CD320: variants seen among roughly 807,000 people sequenced by gnomAD.
The protein encoded by CD320 is CD320 molecule.
Under a neutral mutation model 22.1 loss-of-function variants are expected in CD320, and 16 were observed. The observed-to-expected ratio is 0.73, with a 90% CI of 0.49 to 1.10. CD320 has a LOEUF of 1.10. CD320 is among the 50% of genes least tolerant of loss of function. CD320 has a pLI of 0.00. For synonymous variants in CD320, 188 were observed against 167.8 expected (o/e 1.12, Z -0.93); for missense variants, 388 against 376.9 (o/e 1.03, Z -0.24).
chr19:8,302,170 C>T lies in CD320; in HGVS notation c.*293G>A. On this transcript the variant is annotated 3_prime_UTR_variant, in exon 5 of 5. Coordinates refer to ENST00000301458, the MANE Select transcript of CD320 (RefSeq NM_016579.4). ...TAATTGCCACCCTCAGACGGGGCAGCAGGAGTGTCTTAAGCACAGGGCCGT... is the reference window on the plus strand; with the variant it reads ...TAATTGCCACCCTCAGACGGGGCAGTAGGAGTGTCTTAAGCACAGGGCCGT... 1.7e-6 allele frequency: 1 copy of T among 586,268 alleles called. No individual in the cohort carries two copies. Among genetic ancestry groups the T allele is most frequent in the South Asian group, 1.5e-5 (1 of 65,508 alleles). The allele number at this position is 586,268 out of a possible 1,614,324, so 36.3% of individuals were successfully genotyped here. A position where few individuals can be genotyped will look rare whatever the true frequency, so the allele number is the denominator to read the frequency against.
Position 8,303,880 on chromosome 19 carries a change from G to C in CD320, c.477C>G (p.Pro159=), listed in dbSNP as rs201828443. The change falls in exon 3 of 5, where the codon CCC becomes CCG. Residue 159 remains proline, a synonymous_variant. Coordinates refer to ENST00000301458, the MANE Select transcript of CD320 (RefSeq NM_016579.4). ...CACAGCCGAGCTCGTCGCTGGAGTC[G>C]GGACAGTCTGGGTGGCCGTCGCAGC... is the stretch of plus-strand genomic sequence containing the variant. ...TWRCDGHPDC[P]DSSDELGCGT... The C allele has an allele frequency of 3.1e-6, 5 of 1,604,412 alleles. No homozygotes were observed. Among genetic ancestry groups the C allele is most frequent in the Admixed American group, 1.7e-5 (1 of 58,814 alleles).
intron 2 of CD320, among the ~76,000 whole-genome samples, chr19:8,304,454 T>G (rs1225742530): frequency 6.6e-6 from 1 of 152,164 alleles, no homozygotes; most frequent in Non-Finnish European, 1.5e-5. Flanking sequence ...GTGATTCTCC[T>G]GCCTTAGCCT....
At chr19:8,303,665 T>A (rs1220253254) in intron 3 of CD320, among the ~76,000 whole-genome samples, 190 bp downstream of exon 3, 2 of 152,018 alleles carry the variant, frequency 1.3e-5, no homozygotes, top group African/African-American at 4.8e-5. Context: ...TCCGCCCACC[T>A]CAGCCTCCCA....
chr19:8,304,992 C>T, intron 2 of CD320, 39 bp downstream of exon 2: 2 of 1,598,006 alleles, frequency 1.3e-6, no homozygotes, highest in Non-Finnish European at 1.7e-6. Flanking sequence ...CCTCAGGCCC[C>T]GCCCCCTGTA....
In CD320 at chr19:8,302,163, G is replaced by C; in HGVS notation, c.*300C>G. On this transcript the variant is annotated 3_prime_UTR_variant, in exon 5 of 5. Coordinates refer to ENST00000301458, the MANE Select transcript of CD320 (RefSeq NM_016579.4). ...GCAACTTTAATTGCCACCCTCAGACGGGGCAGCAGGAGTGTCTTAAGCACA... is the reference window on the plus strand; with the variant it reads ...GCAACTTTAATTGCCACCCTCAGACCGGGCAGCAGGAGTGTCTTAAGCACA... 2 of 563,046 alleles carry C rather than the reference G, an allele frequency of 3.6e-6. No homozygotes were observed. The highest frequency in any genetic ancestry group is 6.8e-6 in the Non-Finnish European group (2 of 294,124). The allele number at this position is 563,046 out of a possible 1,614,324, so 34.9% of individuals were successfully genotyped here.
intron 3 of CD320, 38 bp from the exon 4 acceptor site, chr19:8,303,018 G>A: frequency 6.3e-7 from 1 of 1,576,726 alleles, no homozygotes; most frequent in South Asian, 1.1e-5. Flanking sequence ...TGAGGAGAGA[G>A]CACTGAAGGC....
At chr19:8,308,108 C>T (rs1405774642) in intron 1 of CD320, 41 bp downstream of exon 1, 1 of 1,440,228 alleles carries the variant, frequency 6.9e-7, no homozygotes, top group Non-Finnish European at 9.0e-7. Context: ...GGGGCGAAGC[C>T]TCGCGAGGGG....
rs1489014958 is a variant in CD320, at chr19:8,302,976, G to A, written c.507C>T (p.Thr169=). ...PDSSDELGCG[T]NEILPEGDAT... Reference sequence around the variant, plus strand: ...CATCCCCTTCCGGGAGGATCTCATTGGTTCCTGCAATAAGCCCAGGCGTTC... The same window carrying A: ...CATCCCCTTCCGGGAGGATCTCATTAGTTCCTGCAATAAGCCCAGGCGTTC... The change falls in exon 4 of 5, where the codon ACC becomes ACT. Residue 169 remains threonine (T), a synonymous_variant. Coordinates refer to ENST00000301458, the MANE Select transcript of CD320 (RefSeq NM_016579.4). 3 of 1,613,860 alleles carry A rather than the reference G, an allele frequency of 1.9e-6. No individual in the cohort carries two copies. The highest frequency in any genetic ancestry group is 2.2e-5 in the East Asian group (1 of 44,864).
chr19:8,308,066 C>T (rs1011740382), intron 1 of CD320, 83 bp downstream of exon 1: 1 of 1,302,202 alleles, frequency 7.7e-7, no homozygotes, highest in African/African-American at 1.6e-5. Flanking sequence ...TGCGGTGCAG[C>T]CAGTGACTAG....
Position 8,302,787 on chromosome 19 carries a change from A to G in CD320, c.696T>C (p.Ile232=), listed in dbSNP as rs959137935. The G allele has an allele frequency of 2.4e-5, 38 of 1,614,004 alleles. No homozygotes were observed. The highest frequency in any genetic ancestry group is 3.1e-5 in the Non-Finnish European group (36 of 1,180,020). The change falls in exon 4 of 5, where the codon ATT becomes ATC. Residue 232 remains isoleucine, a synonymous_variant. Coordinates refer to ENST00000301458, the MANE Select transcript of CD320 (RefSeq NM_016579.4). The stretch of plus-strand genomic sequence containing the variant: ...GTAAGTCCCTCTTACCAGCAGCTGC[A>G]ATAACCCCATAGGCAGTTGGGCTTC... ...QSGSPTAYGV[I]AAAAVLSASL... is the part of the protein sequence containing the mutation.
rs1226431762 is a variant in CD320, at chr19:8,303,949, C to T, written c.408G>A (p.Glu136=). The T allele has an allele frequency of 6.3e-7, 1 of 1,592,374 alleles. No individual in the cohort carries two copies. The highest frequency in any genetic ancestry group is 1.8e-5 in the Admixed American group (1 of 56,550). The change falls in exon 3 of 5, where the codon GAG becomes GAA. Residue 136 remains glutamate, a synonymous_variant. Transcript: ENST00000301458. ...AGTCATCGCTCAGCGTGCAACGGAG[C>T]TCGCCTGCTAGGCAGGCCAGGCGGC... The part of the protein sequence containing the change: ...NCSRLACLAG[E]LRCTLSDDCI...
chr19:8,303,930 C>T lies in CD320; in HGVS notation c.427G>A (p.Asp143Asn), dbSNP rs767324816. 108 of 1,602,444 alleles carry T rather than the reference C, an allele frequency of 6.7e-5. No individual in the cohort carries two copies. Among genetic ancestry groups the T allele is most frequent in the Non-Finnish European group, 2.9e-5 (34 of 1,174,988 alleles). ...CGCCACGTGAGTGGAATGCAGTCAT[C>T]GCTCAGCGTGCAACGGAGCTCGCCT... ...LAGELRCTLS[D>N]DCIPLTWRCD... The change falls in exon 3 of 5, where the codon GAT (aspartate) becomes AAT (asparagine). Residue 143 changes from aspartate to asparagine, a missense_variant. Physicochemically the swap from Asp to Asn is conservative, Grantham distance 23 (BLOSUM62 1). Transcript: ENST00000301458.
intron 3 of CD320, among the ~76,000 whole-genome samples, chr19:8,303,262 G>A (rs1379453765): frequency 1.3e-5 from 2 of 151,918 alleles, no homozygotes; most frequent in African/African-American, 2.4e-5. Flanking sequence ...GATTACAGGT[G>A]CACGCCACCA....
In CD320 at chr19:8,302,934, G is replaced by A. The variant is rs1329722637; in HGVS notation, c.549C>T (p.Pro183=). 6.2e-6 allele frequency: 10 copies of A among 1,613,856 alleles called. No homozygotes were observed. Among genetic ancestry groups the A allele is most frequent in the African/African-American group, 1.3e-5 (1 of 74,866 alleles). Residue 183 remains proline (P), a synonymous_variant, in exon 4 of 5, where the codon CCC becomes CCT. Transcript: ENST00000301458. ...LPEGDATTMG[P]PVTLESVTSL... is the part of the protein sequence containing the mutation. ...AGGTGACACTCTCCAGGGTCACAGG[G>A]GGCCCCATGGTTGTGGCATCCCCTT...
intron 2 of CD320, among the ~76,000 whole-genome samples, chr19:8,304,338 T>A (rs1970055618): frequency 6.6e-6 from 1 of 151,998 alleles, no homozygotes; most frequent in African/African-American, 2.4e-5. Context: ...TGTTTGTTTG[T>A]TTCTTTCTTT....
In CD320 at chr19:8,308,204, T is replaced by TAGTCCG. The variant is rs768072310; in HGVS notation, c.81_86dup (p.Gly30_Leu31dup). On this transcript the variant is annotated inframe_insertion, in exon 1 of 5. Transcript: ENST00000301458. ...GCGGGCTCGCGGCGGCCTCCAGGCC[T>TAGTCCG]AGTCCGAGGCCGAGCAGCAGCAGCA... The TAGTCCG allele has an allele frequency of 3.8e-6, 6 of 1,570,726 alleles. No individual in the cohort carries two copies. In the South Asian group the frequency reaches 6.9e-5, roughly 18 times the overall value.
At chr19:8,305,282 G>A (rs775402514) in intron 1 of CD320, 126 bp from the exon 2 acceptor site, 53 of 1,223,768 alleles carry the variant, frequency 4.3e-5, no homozygotes, top group Non-Finnish European at 4.9e-5. Context: ...CCACACTGGC[G>A]GCTGCTTGTT....
chr19:8,303,918 G>A lies in CD320; in HGVS notation c.439C>T (p.Pro147Ser). 6.2e-7 allele frequency: 1 copy of A among 1,605,576 alleles called. No individual in the cohort carries two copies. The highest frequency in any genetic ancestry group is 1.7e-5 in the Admixed American group (1 of 58,882). The change falls in exon 3 of 5, where the codon CCA (proline) becomes TCA (serine). Residue 147 changes from proline to serine, a missense_variant. Transcript: ENST00000301458. ...LRCTLSDDCI[P>S]LTWRCDGHPD... ...TGGCCGTCGCAGCGCCACGTGAGTG[G>A]AATGCAGTCATCGCTCAGCGTGCAA... is the stretch of plus-strand genomic sequence containing the variant.
chr19:8,305,154 G>A lies in CD320; in HGVS notation c.145C>T (p.Pro49Ser). 1 of 1,600,756 alleles carries A rather than the reference G, an allele frequency of 6.2e-7. No homozygotes were observed. Among genetic ancestry groups the A allele is most frequent in the Non-Finnish European group, 8.5e-7 (1 of 1,173,884 alleles). Residue 49 changes from proline to serine, a missense_variant and splice_region_variant, in exon 2 of 5, where the codon CCC becomes TCC. Pro to Ser is a moderately conservative substitution (Grantham distance 74, BLOSUM62 -1). Coordinates refer to ENST00000301458, the MANE Select transcript of CD320 (RefSeq NM_016579.4). Reference protein sequence around the residue: ...STPTSAQAAGPSSGSCPPTKF... With the variant: ...STPTSAQAAGSSSGSCPPTKF... ...GTGGGTGGGCACGAGCCTGAGCTGG[G>A]GCCTGCGAGATGGATGCAAATGAAG...
Sources: gnomAD v4.1 joint callset for allele counts (sites outside exome capture counted in the v4.1 genomes callset) on GRCh38, gnomAD v4.1.1 for gene constraint, MANE v1.5 for transcripts, NCBI Gene and HGNC (gene_info 2026-07-23, HGNC 2026-07-21) for gene names.